The following ZCWPW2 variants were observed in gnomAD, a reference collection of about 807,000 sequenced individuals.
ZCWPW2 encodes zinc finger CW-type PWWP domain protein 2.
In ZCWPW2, 45 loss-of-function variants were observed where a neutral mutation model predicts 46.6. The observed-to-expected ratio is 0.96, with a 90% CI of 0.76 to 1.24. ZCWPW2 has a LOEUF of 1.24. Among genes scored for constraint, ZCWPW2 ranks in the 50% most tolerant of loss-of-function variants. The pLI is 0.00. For missense variants in ZCWPW2, 429 were observed against 403.9 expected (o/e 1.06, Z -0.53); for synonymous variants, 152 against 137.1 (o/e 1.11, Z -0.76).
At chr3:28,416,946 A>G (rs1014184669) in intron 3 of ZCWPW2, among the ~76,000 whole-genome samples, 29 of 145,930 alleles carry the variant, frequency 2.0e-4, no homozygotes, top group Non-Finnish European at 4.2e-4. Flanking sequence ...TTCTGCATCG[A>G]TGTTCATCAA....
At chr3:28,370,926 T>C (rs1193429333) in intron 1 of ZCWPW2, among the ~76,000 whole-genome samples, 2 of 152,016 alleles carry the variant, frequency 1.3e-5, no homozygotes, top group African/African-American at 4.8e-5. Context: ...GAGATGGGGT[T>C]TCTCCATGTT....
At chr3:28,362,143 G>A (rs1040522744) in intron 1 of ZCWPW2, among the ~76,000 whole-genome samples, 3 of 152,004 alleles carry the variant, frequency 2.0e-5, no homozygotes, top group Admixed American at 1.3e-4. Flanking sequence ...GCAGATAAAT[G>A]GATAAAGAAA....
intron 1 of ZCWPW2, among the ~76,000 whole-genome samples, chr3:28,362,266 C>T (rs1466623864): frequency 6.6e-6 from 1 of 151,900 alleles, no homozygotes; most frequent in Non-Finnish European, 1.5e-5. Context: ...GTTGACAATA[C>T]TGTACACTTA....
chr3:28,400,719 CT>C (rs1054305740), intron 2 of ZCWPW2, among the ~76,000 whole-genome samples: 1 of 152,166 alleles, frequency 6.6e-6, no homozygotes, highest in African/African-American at 2.4e-5. Context: ...AAGATACAGT[CT>C]TTTTCATACA....
At chr3:28,461,712 T>C (rs1039338080) in intron 4 of ZCWPW2, 2 of 152,132 alleles carry the variant, frequency 1.3e-5, no homozygotes, top group South Asian at 4.1e-4. Flanking sequence ...GTGAACAAAA[T>C]AGACCAAATT....
intron 2 of ZCWPW2, among the ~76,000 whole-genome samples, chr3:28,411,298 G>T (rs77790914): frequency 6.6e-6 from 1 of 151,680 alleles, no homozygotes; most frequent in African/African-American, 2.4e-5. Context: ...AGTATATGCA[G>T]AAAAGAATTT....
At chr3:28,403,304 G>GA (rs1238042205) in intron 2 of ZCWPW2, among the ~76,000 whole-genome samples, 1 of 151,662 alleles carries the variant, frequency 6.6e-6, no homozygotes, top group Non-Finnish European at 1.5e-5. Flanking sequence ...CACAATAGCT[G>GA]AAAAAAGAAA....
At chr3:28,473,474 C>CAA (rs112359578) in intron 4 of ZCWPW2, among the ~76,000 whole-genome samples, 4 of 132,584 alleles carry the variant, frequency 3.0e-5, no homozygotes, top group African/African-American at 8.3e-5. Context: ...CACTTTGTCG[C>CAA]AAAAAAAAAA....
At chr3:28,364,517 GT>G (rs1452409060) in intron 1 of ZCWPW2, among the ~76,000 whole-genome samples, 1 of 151,932 alleles carries the variant, frequency 6.6e-6, no homozygotes, top group East Asian at 1.9e-4. Context: ...TCTTCTTTTA[GT>G]TTAATCTCCA....
intron 1 of ZCWPW2, among the ~76,000 whole-genome samples, chr3:28,388,471 A>C (rs1695363296): frequency 6.6e-6 from 1 of 152,198 alleles, no homozygotes; most frequent in Non-Finnish European, 1.5e-5. Flanking sequence ...TTTTTCCAGA[A>C]GAGGTTGCAA....
chr3:28,463,987 G>T (rs1159668596), intron 4 of ZCWPW2, among the ~76,000 whole-genome samples: 1 of 151,826 alleles, frequency 6.6e-6, no homozygotes, highest in African/African-American at 2.4e-5. Context: ...GGAATGAAAA[G>T]AAATCAAAAG....
intron 6 of ZCWPW2, among the ~76,000 whole-genome samples, chr3:28,500,773 T>C (rs1360515994): frequency 6.6e-6 from 1 of 152,156 alleles, no homozygotes; most frequent in Non-Finnish European, 1.5e-5. Flanking sequence ...ACTCACTTAA[T>C]TTATTTGGCT....
intron 1 of ZCWPW2, among the ~76,000 whole-genome samples, chr3:28,375,739 A>ATTTT (rs36058066): frequency 2.1e-5 from 3 of 146,066 alleles, no homozygotes; most frequent in African/African-American, 7.5e-5. Context: ...CATTCTTTCT[A>ATTTT]TTTTTTTTTT....
In ZCWPW2 at chr3:28,521,028, A is replaced by T. The variant is rs1183799451; in HGVS notation, c.821A>T (p.Glu274Val). ...ACGGAAGTTTTACTAAAAGAGCTGG[A>T]GCAAATGCTGCAGCAAGCACTGCAA... ...CETEVLLKEL[E>V]QMLQQALQPT... Residue 274 changes from glutamate to valine, a missense_variant, in exon 9 of 10, where the codon GAG becomes GTG. Coordinates refer to ENST00000383768, the MANE Select transcript of ZCWPW2 (RefSeq NM_001040432.4). The T allele has an allele frequency of 6.2e-7, 1 of 1,613,598 alleles. No homozygotes were observed. The highest frequency in any genetic ancestry group is 8.5e-7 in the Non-Finnish European group (1 of 1,179,786).
chr3:28,396,756 A>G (rs1237756012), intron 2 of ZCWPW2, among the ~76,000 whole-genome samples: 1 of 152,236 alleles, frequency 6.6e-6, no homozygotes, highest in Non-Finnish European at 1.5e-5. Context: ...ACATGCAAAC[A>G]ATAAAACCAA....
intron 1 of ZCWPW2, among the ~76,000 whole-genome samples, chr3:28,372,017 C>CTCCTGCCCCTCCTCCTCCTTCTCT (rs1266061359): frequency 6.6e-6 from 1 of 151,106 alleles, no homozygotes. Flanking sequence ...CCTCTTTCTC[C>CTCCTGCCCCTCCTCCTCCTTCTCT]TCCTGCCCCT....
chr3:28,434,213 G>T (rs1228569816), intron 3 of ZCWPW2, among the ~76,000 whole-genome samples: 2 of 152,048 alleles, frequency 1.3e-5, no homozygotes, highest in Non-Finnish European at 2.9e-5. Flanking sequence ...TCTTAGGTGT[G>T]GGTTTTCTCA....
chr3:28,473,731 A>G (rs1217669194), intron 4 of ZCWPW2, among the ~76,000 whole-genome samples: 3 of 152,316 alleles, frequency 2.0e-5, no homozygotes, highest in East Asian at 1.9e-4. Flanking sequence ...TTGCAACAAC[A>G]TGGATGGAAC....
intron 3 of ZCWPW2, among the ~76,000 whole-genome samples, chr3:28,417,791 A>G (rs1376217594): frequency 3.2e-5 from 2 of 63,274 alleles, no homozygotes; most frequent in Admixed American, 2.0e-4. Flanking sequence ...AAGATGCAGA[A>G]AAGGCCTTTG....
Sources: allele counts gnomAD v4.1 joint callset (sites outside exome capture counted in the v4.1 genomes callset), GRCh38; gene constraint gnomAD v4.1.1; transcripts MANE v1.5; gene names NCBI Gene and HGNC (gene_info 2026-07-23, HGNC 2026-07-21).